DOCK1: variants seen among roughly 807,000 people sequenced by gnomAD.
DOCK1 encodes dedicator of cytokinesis protein 1.
Under a neutral mutation model 262.7 loss-of-function variants are expected in DOCK1, and 138 were observed. The ratio of observed to expected loss-of-function variants is 0.53; its 90% CI spans 0.46 to 0.61. The LOEUF (loss-of-function observed/expected upper bound fraction) is 0.61, where lower values mean the gene tolerates loss of function less well. Among genes scored for constraint, DOCK1 ranks in the 20% least tolerant of loss-of-function variants. DOCK1 has a pLI of 0.00. For missense variants in DOCK1, 1,908 were observed against 2,370.7 expected (o/e 0.80, Z 4.05); for synonymous variants, 866 against 867.4 (o/e 1.00, Z 0.03).
At position 127,175,635 on chromosome 10, in the gene DOCK1, G is replaced by A; in HGVS notation, c.2847+47871G>A. ...ACTGAGGGCAGGTGCGTAAACGGTG[G>A]CAACCTCCGTTTTAAACACCCTCCT... is the stretch of plus-strand genomic sequence containing the variant. On this transcript the variant is annotated intron_variant, in intron 27 of 51. Coordinates refer to ENST00000623213, the MANE Select transcript of DOCK1 (RefSeq NM_001290223.2). The surrounding 1 kb of genome is among the most constrained non-coding windows in gnomAD (Gnocchi z 6.3). 2.5e-6 allele frequency: 4 copies of A among 1,613,198 alleles called. No individual in the cohort carries two copies. The East Asian group carries it at 6.7e-5, about 27-fold the overall frequency.
chr10:126,941,715 A>G (rs1475769929), intron 1 of DOCK1, among the ~76,000 whole-genome samples: 2 of 152,088 alleles, frequency 1.3e-5, no homozygotes, highest in Non-Finnish European at 2.9e-5. Context: ...AGATCGTGCC[A>G]CTGCACTCCA....
intron 35 of DOCK1, among the ~76,000 whole-genome samples, chr10:127,375,755 T>A (rs1475400506): frequency 6.6e-6 from 1 of 152,224 alleles, no homozygotes; most frequent in Non-Finnish European, 1.5e-5. Flanking sequence ...CAAGTTTTCT[T>A]TTCCTTAAAA....
At chr10:126,949,847 A>G (rs889176490) in intron 1 of DOCK1, among the ~76,000 whole-genome samples, 16 of 151,896 alleles carry the variant, frequency 1.1e-4, no homozygotes, top group Non-Finnish European at 1.9e-4. Flanking sequence ...GGGAGCACCA[A>G]AGGGAGAGTG....
intron 33 of DOCK1, among the ~76,000 whole-genome samples, chr10:127,362,709 A>T (rs2064535481): frequency 6.6e-6 from 1 of 152,170 alleles, no homozygotes; most frequent in Admixed American, 6.5e-5. Context: ...ACATACTGTG[A>T]CAAACAGCAT....
chr10:127,419,726 C>T lies in DOCK1; in HGVS notation c.4753C>T (p.Leu1585Phe). The T allele has an allele frequency of 6.2e-7, 1 of 1,602,162 alleles. No individual in the cohort carries two copies. The change falls in exon 46 of 52, where the codon CTC becomes TTC. Residue 1585 changes from leucine (L) to phenylalanine (F), a missense_variant. Physicochemically the swap from Leu to Phe is conservative, Grantham distance 22. Around this residue, in one of 9 missense-constraint regions of DOCK1, gnomAD observed 383 missense variants for 420.1 expected, o/e 0.91. Transcript: ENST00000623213. ...TGAGGCCCATGAAAAGATCGAGAAGCTCAAGGACCTGATTGCTTGGCAGGT... is the reference window on the plus strand; with the variant it reads ...TGAGGCCCATGAAAAGATCGAGAAGTTCAAGGACCTGATTGCTTGGCAGGT... Reference protein sequence around the residue: ...HPEAHEKIEKLKDLIAWQIPF... With the variant: ...HPEAHEKIEKFKDLIAWQIPF...
chr10:127,426,083 C>T, intron 47 of DOCK1, 72 bp downstream of exon 47: 1 of 1,600,298 alleles, frequency 6.2e-7, no homozygotes, highest in Non-Finnish European at 8.5e-7. Context: ...CAGGGACAAG[C>T]TTCCAGAGCA....
intron 27 of DOCK1, among the ~76,000 whole-genome samples, chr10:127,186,507 G>GCCCCCCCCCC (rs1326283340): frequency 1.7e-4 from 1 of 5,910 alleles, no homozygotes; most frequent in African/African-American, 3.2e-4. Context: ...GGGAGAAACC[G>GCCCCCCCCCC]CCCCCCCGCC....
chr10:127,155,974 A>G (rs2053005318), intron 27 of DOCK1, among the ~76,000 whole-genome samples: 1 of 152,214 alleles, frequency 6.6e-6, no homozygotes, highest in African/African-American at 2.4e-5. Flanking sequence ...GCCAGCAGTC[A>G]GGAGAAAGTA....
At chr10:126,963,633 C>CCCT (rs1554962842) in intron 1 of DOCK1, among the ~76,000 whole-genome samples, 15,223 of 65,782 alleles carry the variant, frequency 0.23, 2,409 homozygotes, top group South Asian at 0.37. Flanking sequence ...CCCTTCCCTT[C>CCCT]CCTTCCCTCC....
intron 28 of DOCK1, among the ~76,000 whole-genome samples, chr10:127,250,046 A>G (rs1185137486): frequency 6.6e-6 from 1 of 152,172 alleles, no homozygotes; most frequent in Non-Finnish European, 1.5e-5. Context: ...TTGAATCTAA[A>G]CTACACCCGA....
rs1323057740 is a variant in DOCK1 at position 127,176,176 on chromosome 10, C to G, written c.2847+48412C>G. On this transcript the variant is annotated intron_variant, in intron 27 of 51. Coordinates refer to ENST00000623213, the MANE Select transcript of DOCK1 (RefSeq NM_001290223.2). This position sits in a 1 kb window ranked among gnomAD's most constrained non-coding sequence, Gnocchi z 4.4. ...GCTCTGCAGGACACGGGCTTGGCCT[C>G]CCGCTTCTCCCCCAGCTGGCCCGAG... is the stretch of plus-strand genomic sequence containing the variant. 1 of 1,614,012 alleles carries G rather than the reference C, an allele frequency of 6.2e-7. No homozygotes were observed. The highest frequency in any genetic ancestry group is 8.5e-7 in the Non-Finnish European group (1 of 1,180,038).
chr10:127,195,530 C>CA (rs936117967), intron 27 of DOCK1, among the ~76,000 whole-genome samples: 3 of 152,038 alleles, frequency 2.0e-5, no homozygotes, highest in Non-Finnish European at 2.9e-5. Context: ...TCATCCCCCC[C>CA]CCGAAGTTAA....
intron 27 of DOCK1, among the ~76,000 whole-genome samples, chr10:127,172,336 C>A (rs892240757): frequency 4.6e-5 from 7 of 152,168 alleles, no homozygotes; most frequent in Middle Eastern, 3.2e-3. Flanking sequence ...ATGCTACTTC[C>A]CTTCCCTCCA....
chr10:127,100,385 A>G lies in DOCK1; in HGVS notation c.2446-5846A>G, dbSNP rs973273033. Among the ~76,000 whole-genome samples the G allele has an allele frequency of 6.6e-6, 1 of 152,146 alleles. No homozygotes were observed. Among genetic ancestry groups the G allele is most frequent in the Non-Finnish European group, 1.5e-5 (1 of 68,016 alleles). On this transcript the variant is annotated intron_variant, in intron 23 of 51. Coordinates refer to ENST00000623213, the MANE Select transcript of DOCK1 (RefSeq NM_001290223.2). The surrounding 1 kb of genome is among the most constrained non-coding windows in gnomAD (Gnocchi z 5.5). The stretch of plus-strand genomic sequence containing the variant: ...CCGGTGTGATGCCCAGGCCTGTGGC[A>G]TGCAGCTGGGGCTTGGCGGTGCAGC...
At chr10:126,967,763 A>T (rs1226359708) in intron 1 of DOCK1, among the ~76,000 whole-genome samples, 2 of 152,038 alleles carry the variant, frequency 1.3e-5, no homozygotes, top group African/African-American at 4.8e-5. Flanking sequence ...TTGTGATTAC[A>T]TTGGGCCCAC....
At chr10:127,417,106 C>T (rs1263609714) in intron 44 of DOCK1, among the ~76,000 whole-genome samples, 7 of 152,204 alleles carry the variant, frequency 4.6e-5, no homozygotes, top group South Asian at 2.1e-4. Flanking sequence ...CCAGGCAGTC[C>T]GCTAGAGGCT....
intron 29 of DOCK1, among the ~76,000 whole-genome samples, chr10:127,337,298 C>T (rs1290427415): frequency 6.6e-6 from 1 of 152,150 alleles, no homozygotes; most frequent in Non-Finnish European, 1.5e-5. Context: ...TAGACCATCT[C>T]TCTAGCTCAT....
intron 31 of DOCK1, among the ~76,000 whole-genome samples, chr10:127,347,216 T>C (rs2135789026): frequency 6.6e-6 from 1 of 152,344 alleles, no homozygotes; most frequent in Non-Finnish European, 1.5e-5. Context: ...ATTGTCCGCA[T>C]AAAAGGGATT....
intron 27 of DOCK1, among the ~76,000 whole-genome samples, chr10:127,228,364 G>A (rs1006690602): frequency 6.6e-6 from 1 of 152,158 alleles, no homozygotes; most frequent in African/African-American, 2.4e-5. Flanking sequence ...GGAGGTGGCT[G>A]GAAGTCTCAC....
Sources: allele counts gnomAD v4.1 joint callset (sites outside exome capture counted in the v4.1 genomes callset), GRCh38; gene constraint gnomAD v4.1.1; regional missense constraint gnomAD v4.1.1; non-coding constraint Gnocchi (gnomAD v3.1); transcripts MANE v1.5; gene names NCBI Gene and HGNC (gene_info 2026-07-23, HGNC 2026-07-21).